The following SIPA1L3 variants were observed in gnomAD, a reference collection of about 807,000 sequenced individuals.
SIPA1L3 encodes signal induced proliferation associated 1 like 3, also known as signal-induced proliferation-associated 1-like protein 3.
A neutral mutation model predicts 150.1 loss-of-function variants in SIPA1L3; 59 were observed. The observed-to-expected ratio is 0.39, with a 90% CI of 0.32 to 0.49. SIPA1L3 has a LOEUF of 0.49. Among genes scored for constraint, SIPA1L3 ranks in the 20% least tolerant of loss-of-function variants. The probability of loss-of-function intolerance (pLI) is 0.86; values close to 1 mark genes in which losing one functional copy is unlikely to be tolerated. For synonymous variants in SIPA1L3, 1,070 were observed against 1,077.6 expected, an observed-to-expected ratio of 0.99 and a Z score of 0.14; for missense variants, 2,211 against 2,489.5, an observed-to-expected ratio of 0.89 and a Z score of 2.38.
chr19:38,121,656 G>A (rs1262635061), intron 9 of SIPA1L3, among the ~76,000 whole-genome samples: 3 of 151,730 alleles, frequency 2.0e-5, no homozygotes, highest in African/African-American at 4.8e-5. Flanking sequence ...GGAGAATGGC[G>A]TGAACCTGGG....
At chr19:38,007,898 A>G (rs1209407665) in intron 1 of SIPA1L3, among the ~76,000 whole-genome samples, 1 of 151,956 alleles carries the variant, frequency 6.6e-6, no homozygotes, top group Non-Finnish European at 1.5e-5. Flanking sequence ...GGTGTTTATC[A>G]CGGTCTGATG....
Position 38,082,800 on chromosome 19 carries a change from A to G in SIPA1L3, c.1235A>G (p.Glu412Gly). ...TEDLNCKENLEQDLGDDNSND... is the reference protein window; with the variant it reads ...TEDLNCKENLGQDLGDDNSND... ...GACCTAAACTGCAAGGAGAACTTGGAGCAGGACCTCGGCGATGACAACAGC... is the reference window on the plus strand; with the variant it reads ...GACCTAAACTGCAAGGAGAACTTGGGGCAGGACCTCGGCGATGACAACAGC... Residue 412 changes from glutamate to glycine, a missense_variant, in exon 3 of 22, where the codon GAG becomes GGG. This residue lies in a region of SIPA1L3 where 587 missense variants were observed against 534.5 expected (regional missense o/e 1.10). Transcript: ENST00000222345. 6.2e-7 allele frequency: 1 copy of G among 1,613,520 alleles called. No individual in the cohort carries two copies. Among genetic ancestry groups the G allele is most frequent in the Non-Finnish European group, 8.5e-7 (1 of 1,179,890 alleles).
chr19:38,162,132 C>T, intron 13 of SIPA1L3, 121 bp from the exon 14 acceptor site: 1 of 744,454 alleles, frequency 1.3e-6, no homozygotes, highest in South Asian at 1.5e-5. Context: ...TGTTGCACTC[C>T]AAGGTGTAAA....
At chr19:38,123,825 T>C (rs1290849258) in intron 9 of SIPA1L3, among the ~76,000 whole-genome samples, 25 of 113,646 alleles carry the variant, frequency 2.2e-4, no homozygotes, top group South Asian at 1.4e-3. Context: ...GGCTCCTCAC[T>C]TCCCAGTAGG....
intron 1 of SIPA1L3, among the ~76,000 whole-genome samples, chr19:37,920,890 C>T (rs2046452305): frequency 6.6e-6 from 1 of 152,188 alleles, no homozygotes; most frequent in Non-Finnish European, 1.5e-5. Context: ...GGTCCCTTTT[C>T]CCTGAGATCT....
chr19:38,111,994 CCTG>C (rs1970767111), intron 8 of SIPA1L3, among the ~76,000 whole-genome samples: 1 of 148,950 alleles, frequency 6.7e-6, no homozygotes, highest in Admixed American at 6.7e-5. Flanking sequence ...CAGGCACACA[CCTG>C]CACACAGGCA....
At chr19:38,130,894 A>G (rs1971293620) in intron 10 of SIPA1L3, 122 bp downstream of exon 10, 15 of 1,080,518 alleles carry the variant, frequency 1.4e-5, no homozygotes, top group Non-Finnish European at 2.0e-5. Context: ...CCTTCTAGGC[A>G]GGAATAGTGG....
At chr19:38,183,870 C>T (rs552934591) in intron 16 of SIPA1L3, among the ~76,000 whole-genome samples, 1 of 152,220 alleles carries the variant, frequency 6.6e-6, no homozygotes, top group Non-Finnish European at 1.5e-5. Flanking sequence ...TGGGCCCAGG[C>T]CAGGGTGATG....
intron 1 of SIPA1L3, among the ~76,000 whole-genome samples, chr19:37,995,811 C>T (rs1425270920): frequency 6.6e-6 from 1 of 152,204 alleles, no homozygotes; most frequent in Non-Finnish European, 1.5e-5. Flanking sequence ...GTATGGGGCC[C>T]ACACGTGCCA....
chr19:38,045,662 G>A (rs772192557), intron 2 of SIPA1L3, among the ~76,000 whole-genome samples: 4 of 152,064 alleles, frequency 2.6e-5, no homozygotes, highest in African/African-American at 4.8e-5. Context: ...TGGGGTGGGC[G>A]TGGGAGTGTC....
At chr19:37,963,678 G>A (rs2068125593) in intron 1 of SIPA1L3, among the ~76,000 whole-genome samples, 1 of 152,170 alleles carries the variant, frequency 6.6e-6, no homozygotes, top group African/African-American at 2.4e-5. Flanking sequence ...ATATGCCTTT[G>A]GTTGATTTCT....
intron 7 of SIPA1L3, among the ~76,000 whole-genome samples, chr19:38,107,397 C>G (rs1970646655): frequency 6.6e-6 from 1 of 152,148 alleles, no homozygotes; most frequent in South Asian, 2.1e-4. Flanking sequence ...CTTTCCTGAA[C>G]TGGGTGGGTG....
intron 1 of SIPA1L3, among the ~76,000 whole-genome samples, chr19:37,981,474 T>C (rs1967200019): frequency 1.3e-5 from 2 of 151,958 alleles, no homozygotes; most frequent in Non-Finnish European, 2.9e-5. Flanking sequence ...TTCTAATACC[T>C]GCTCTGCCAC....
intron 6 of SIPA1L3, among the ~76,000 whole-genome samples, chr19:38,105,853 G>A (rs899066689): frequency 2.6e-5 from 4 of 152,154 alleles, no homozygotes; most frequent in Admixed American, 6.5e-5. Flanking sequence ...CCCAGGACAC[G>A]TGTGCATGAT....
chr19:38,039,768 C>A (rs947516926), intron 2 of SIPA1L3, among the ~76,000 whole-genome samples: 34 of 150,726 alleles, frequency 2.3e-4, no homozygotes, highest in Non-Finnish European at 3.7e-4. Flanking sequence ...TAATCAGCTG[C>A]CTTTCTGTAT....
At chr19:38,061,881 GT>G (rs370040787) in intron 2 of SIPA1L3, among the ~76,000 whole-genome samples, 23 of 142,316 alleles carry the variant, frequency 1.6e-4, no homozygotes, top group Admixed American at 4.3e-4. Context: ...TTTGAGTTTT[GT>G]TTTTTTTTTT....
At chr19:37,943,205 C>T (rs1193127034) in intron 1 of SIPA1L3, among the ~76,000 whole-genome samples, 1 of 152,074 alleles carries the variant, frequency 6.6e-6, no homozygotes, top group Non-Finnish European at 1.5e-5. Context: ...ACACACATCT[C>T]GTCTAGCCCT....
At chr19:38,116,783 G>A (rs567660476) in intron 8 of SIPA1L3, among the ~76,000 whole-genome samples, 174 of 152,238 alleles carry the variant, frequency 1.1e-3, no homozygotes, top group African/African-American at 4.0e-3. Flanking sequence ...GAACCCGGGA[G>A]GTGGAGGCTG....
chr19:37,959,180 A>G (rs969014663), intron 1 of SIPA1L3, among the ~76,000 whole-genome samples: 3 of 152,250 alleles, frequency 2.0e-5, no homozygotes, highest in Non-Finnish European at 4.4e-5. Flanking sequence ...ACTCCTAGGT[A>G]TATACTCAAA....
Sources: allele counts gnomAD v4.1 joint callset (sites outside exome capture counted in the v4.1 genomes callset), GRCh38; gene constraint gnomAD v4.1.1; regional missense constraint gnomAD v4.1.1; transcripts MANE v1.5; gene names NCBI Gene and HGNC (gene_info 2026-07-23, HGNC 2026-07-21).